The following BRSK2 variants were observed in gnomAD, a reference collection of about 807,000 sequenced individuals.
BRSK2 encodes BR serine/threonine kinase 2, also known as serine/threonine-protein kinase BRSK2.
Under a neutral mutation model 83.3 loss-of-function variants are expected in BRSK2, and 19 were observed. The ratio of observed to expected loss-of-function variants is 0.23; its 90% CI spans 0.16 to 0.33. The LOEUF (loss-of-function observed/expected upper bound fraction) is 0.33. Among genes scored for constraint, BRSK2 ranks in the 10% least tolerant of loss-of-function variants. The pLI is 1.00. For missense variants in BRSK2, 798 were observed against 1,042.3 expected (o/e 0.77, Z 3.23); for synonymous variants, 519 against 435.4 (o/e 1.19, Z -2.39).
intron 1 of BRSK2, among the ~76,000 whole-genome samples, chr11:1,417,966 C>A (rs981002806): frequency 4.1e-5 from 6 of 147,790 alleles, no homozygotes; most frequent in African/African-American, 7.6e-5. Context: ...CTGTGTCCTG[C>A]TTCTGTTGGC....
At chr11:1,434,262 A>G (rs1172045806) in intron 1 of BRSK2, among the ~76,000 whole-genome samples, 1 of 152,218 alleles carries the variant, frequency 6.6e-6, no homozygotes, top group African/African-American at 2.4e-5. Context: ...GATGGCGGCC[A>G]CTAAAGCCCA....
chr11:1,447,743 C>A, intron 12 of BRSK2: 1 of 1,546,066 alleles, frequency 6.5e-7, no homozygotes, highest in South Asian at 1.2e-5. Context: ...GGGGGCCGAC[C>A]TGTGCCCGCG....
chr11:1,447,674 A>G (rs982931651), intron 12 of BRSK2: 19 of 864,598 alleles, frequency 2.2e-5, no homozygotes, highest in Non-Finnish European at 3.3e-5. Context: ...CTCTCTCGCC[A>G]TCTTTGTGCA....
intron 4 of BRSK2, 157 bp from the exon 5 acceptor site, chr11:1,442,333 A>C: frequency 1.7e-6 from 1 of 590,412 alleles, no homozygotes; most frequent in Non-Finnish European, 3.1e-6. Flanking sequence ...GCGACTTCTG[A>C]TTGGCTGCCT....
At chr11:1,459,546 A>G in intron 19 of BRSK2, 1 of 430,144 alleles carries the variant, frequency 2.3e-6, no homozygotes, top group Non-Finnish European at 4.3e-6. Flanking sequence ...CCACTGGTGC[A>G]GGCTGTGGCC....
intron 18 of BRSK2, chr11:1,457,060 C>A: frequency 6.4e-7 from 1 of 1,566,872 alleles, no homozygotes; most frequent in Non-Finnish European, 8.6e-7. Context: ...GTAAGGCGCC[C>A]GGCCTGTGCT....
chr11:1,436,244 G>C (rs1415404014), intron 2 of BRSK2, 110 bp downstream of exon 2: 1 of 342,370 alleles, frequency 2.9e-6, no homozygotes, highest in African/African-American at 2.2e-5. Context: ...GCGGGTGGGG[G>C]GGCGGGCCCT....
At chr11:1,419,482 T>G (rs1222220704) in intron 1 of BRSK2, among the ~76,000 whole-genome samples, 1 of 152,252 alleles carries the variant, frequency 6.6e-6, no homozygotes. Context: ...TTTAAATAGT[T>G]TCTTATTCTA....
chr11:1,454,658 C>T lies in BRSK2; in HGVS notation c.1668+50C>T, dbSNP rs369648950. 3.1e-5 allele frequency: 50 copies of T among 1,601,942 alleles called. No homozygotes were observed. Among genetic ancestry groups the T allele is most frequent in the South Asian group, 1.3e-4 (12 of 90,526 alleles). ...GGCGGGCAGCCCTCCCAACCCCACACGGCCCAGCCCCGAGAATCCAGCCTC... is the reference window on the plus strand; with the variant it reads ...GGCGGGCAGCCCTCCCAACCCCACATGGCCCAGCCCCGAGAATCCAGCCTC... On this transcript the variant is annotated intron_variant, in intron 16 of 19. Coordinates refer to ENST00000528841, the MANE Select transcript of BRSK2 (RefSeq NM_001256627.2). This position sits in a 1 kb window ranked among gnomAD's most constrained non-coding sequence, Gnocchi z 5.2.
chr11:1,429,579 A>T (rs1441363358), intron 1 of BRSK2, among the ~76,000 whole-genome samples: 1 of 148,400 alleles, frequency 6.7e-6, no homozygotes, highest in Non-Finnish European at 1.5e-5. Context: ...CACTGTGCTC[A>T]GCAGTGAGCG....
intron 12 of BRSK2, among the ~76,000 whole-genome samples, chr11:1,448,040 G>C (rs1016422430): frequency 1.1e-4 from 16 of 152,274 alleles, no homozygotes; most frequent in African/African-American, 3.8e-4. Context: ...GCCGAGGAGG[G>C]GTGGGGCTGC....
chr11:1,415,455 T>C (rs1032334183), intron 1 of BRSK2, among the ~76,000 whole-genome samples: 10 of 152,324 alleles, frequency 6.6e-5, no homozygotes, highest in Non-Finnish European at 1.5e-4. Flanking sequence ...TCTCACTCTG[T>C]TGTCCAGCTG....
chr11:1,398,138 G>T (rs1391827834), intron 1 of BRSK2, among the ~76,000 whole-genome samples: 1 of 152,200 alleles, frequency 6.6e-6, no homozygotes, highest in East Asian at 1.9e-4. Flanking sequence ...GGGTGTCTTG[G>T]CCTGGGAGCC....
intron 7 of BRSK2, 33 bp from the exon 8 acceptor site, chr11:1,443,456 C>A (rs1262140722): frequency 3.2e-6 from 5 of 1,573,982 alleles, no homozygotes; most frequent in Non-Finnish European, 3.5e-6. Flanking sequence ...AACCTGCCCC[C>A]CCACGCTGAC....
chr11:1,411,556 C>T (rs1564806172), intron 1 of BRSK2: 1 of 1,574,122 alleles, frequency 6.4e-7, no homozygotes, highest in South Asian at 1.1e-5. Context: ...GGCCACACTC[C>T]CGGCCCACAG....
In BRSK2 at chr11:1,397,048, T is replaced by A. The variant is rs186935333; in HGVS notation, c.91+6673T>A. ...TCAGGCCCCTTGGGGCTCACATGGC[T>A]GGTCCTCTGTGCTGCCCTGTGCTCT... On this transcript the variant is annotated intron_variant, in intron 1 of 19. Coordinates refer to ENST00000528841, the MANE Select transcript of BRSK2 (RefSeq NM_001256627.2). 2.4e-3 allele frequency among the ~76,000 whole-genome samples: 362 copies of A among 152,362 alleles called. 1 individual carries two copies. Among genetic ancestry groups the A allele is most frequent in the African/African-American group, 8.6e-3 (357 of 41,584 alleles).
intron 1 of BRSK2, among the ~76,000 whole-genome samples, chr11:1,399,479 A>G (rs954691701): frequency 6.6e-6 from 1 of 151,934 alleles, no homozygotes; most frequent in Admixed American, 6.5e-5. Flanking sequence ...AGCCGATGGG[A>G]TTTTTGTGGA....
chr11:1,434,596 G>T (rs929698313), intron 1 of BRSK2, among the ~76,000 whole-genome samples: 2 of 147,548 alleles, frequency 1.4e-5, no homozygotes, highest in Admixed American at 6.7e-5. Flanking sequence ...CAGGAGTGGG[G>T]TCCCCTGTGA....
chr11:1,404,395 G>A (rs557575973), intron 1 of BRSK2, among the ~76,000 whole-genome samples: 56 of 152,252 alleles, frequency 3.7e-4, no homozygotes, highest in South Asian at 6.2e-4. Context: ...CCAGCCCTCC[G>A]CCTGCCTCAG....
Sources: gnomAD v4.1 joint callset for allele counts (sites outside exome capture counted in the v4.1 genomes callset) on GRCh38, gnomAD v4.1.1 for gene constraint, Gnocchi (gnomAD v3.1) non-coding constraint, MANE v1.5 for transcripts, NCBI Gene and HGNC (gene_info 2026-07-23, HGNC 2026-07-21) for gene names.